Variants in PRH1 observed in about 807,000 individuals in gnomAD.
The protein encoded by PRH1 is salivary acidic proline-rich phosphoprotein 1/2.
PRH1 carries 7 observed loss-of-function variants against 7.9 expected under a neutral mutation model. The ratio of observed to expected loss-of-function variants is 0.89; its 90% CI spans 0.50 to 1.67. The LOEUF (loss-of-function observed/expected upper bound fraction) is 1.67, where lower values mean the gene tolerates loss of function less well. Among genes scored for constraint, PRH1 ranks in the 40% most tolerant of loss-of-function variants. The pLI is 0.00. For missense variants in PRH1, 109 were observed against 223.6 expected (o/e 0.49, Z 3.27); for synonymous variants, 45 against 80.8 (o/e 0.56, Z 2.38).
intron 1 of PRH1, among the ~76,000 whole-genome samples, chr12:11,137,979 T>C (rs1316443112): frequency 8.5e-6 from 1 of 117,210 alleles, no homozygotes; most frequent in African/African-American, 2.8e-5. Context: ...ATGATTCTTA[T>C]ATTATTCCAG....
At chr12:10,974,855 A>G (rs1939011904) in intron 1 of PRH1, among the ~76,000 whole-genome samples, 1 of 152,246 alleles carries the variant, frequency 6.6e-6, no homozygotes, top group South Asian at 2.1e-4. Context: ...GATCAATGAG[A>G]TTCAGGAGAA....
intron 1 of PRH1, among the ~76,000 whole-genome samples, chr12:11,042,865 G>A (rs1942766073): frequency 6.6e-6 from 1 of 151,852 alleles, no homozygotes; most frequent in East Asian, 1.9e-4. Context: ...TCCTGACCTC[G>A]TGATCCACCG....
chr12:11,027,962 T>G (rs369350049), intron 1 of PRH1, among the ~76,000 whole-genome samples: 12 of 152,356 alleles, frequency 7.9e-5, no homozygotes, highest in African/African-American at 2.9e-4. Context: ...GGACGTCATA[T>G]GCTCATAAAG....
chr12:11,014,959 T>C (rs191456485), intron 1 of PRH1, among the ~76,000 whole-genome samples: 165 of 152,098 alleles, frequency 1.1e-3, no homozygotes, highest in African/African-American at 3.7e-3. Flanking sequence ...AAAATGATAA[T>C]TGCTCACAGG....
intron 1 of PRH1, among the ~76,000 whole-genome samples, chr12:11,046,556 G>A (rs376426009): frequency 1.3e-5 from 2 of 151,972 alleles, no homozygotes; most frequent in African/African-American, 4.8e-5. Context: ...GCACACTAGG[G>A]CCAGCTATAA....
At chr12:11,038,222 G>A (rs1357663347) in intron 1 of PRH1, among the ~76,000 whole-genome samples, 2 of 152,056 alleles carry the variant, frequency 1.3e-5, no homozygotes, top group Non-Finnish European at 2.9e-5. Flanking sequence ...TTTTTATTGT[G>A]GAGCATAACA....
At chr12:10,921,341 T>C (rs1277635756) in intron 2 of PRH1, among the ~76,000 whole-genome samples, 1 of 152,088 alleles carries the variant, frequency 6.6e-6, no homozygotes, top group Non-Finnish European at 1.5e-5. Context: ...TTCAAAATCT[T>C]TGAAATTGTT....
intron 1 of PRH1, among the ~76,000 whole-genome samples, chr12:11,057,375 T>C (rs1943408646): frequency 6.6e-6 from 1 of 152,194 alleles, no homozygotes. Flanking sequence ...CTAATCAGTT[T>C]GTAGTTACTA....
chr12:11,091,576 A>G (rs1229877275), intron 1 of PRH1: 2 of 1,354,358 alleles, frequency 1.5e-6, no homozygotes, highest in Non-Finnish European at 2.1e-6. Context: ...TGGTGCTGGG[A>G]TCTTGAGATC....
At chr12:10,931,479 T>C (rs1197962720) in intron 2 of PRH1, among the ~76,000 whole-genome samples, 2 of 152,224 alleles carry the variant, frequency 1.3e-5, no homozygotes, top group Non-Finnish European at 2.9e-5. Flanking sequence ...TCCTGCTAAA[T>C]GGTCCTTGGA....
intron 1 of PRH1, chr12:11,031,467 A>C (rs1565573833): frequency 9.3e-7 from 1 of 1,080,666 alleles, no homozygotes; most frequent in Non-Finnish European, 1.3e-6. Context: ...TGCTGCTCTT[A>C]AAGATGGCAT....
chr12:11,045,439 G>T (rs995554986), intron 1 of PRH1, among the ~76,000 whole-genome samples: 15 of 151,974 alleles, frequency 9.9e-5, no homozygotes, highest in African/African-American at 3.4e-4. Flanking sequence ...TAACTGAATT[G>T]TTTGTAACAA....
chr12:10,967,474 T>C (rs916399586), intron 2 of PRH1, among the ~76,000 whole-genome samples: 2 of 152,210 alleles, frequency 1.3e-5, no homozygotes, highest in African/African-American at 4.8e-5. Context: ...TCCACCTCCA[T>C]GCTGCTTTTC....
At chr12:10,907,677 A>G (rs1186190607) in intron 2 of PRH1, among the ~76,000 whole-genome samples, 5 of 151,332 alleles carry the variant, frequency 3.3e-5, no homozygotes, top group African/African-American at 1.2e-4. Flanking sequence ...TGCAAAGGGC[A>G]CTGACATTGT....
intron 2 of PRH1, chr12:10,929,088 TAGAG>T (rs1950164139): frequency 1.5e-6 from 1 of 664,074 alleles, no homozygotes; most frequent in African/African-American, 1.8e-5. Context: ...CCTGCTAGGC[TAGAG>T]TCCCAGAAGA....
chr12:11,140,008 T>C (rs568863946), intron 1 of PRH1, among the ~76,000 whole-genome samples: 2 of 152,172 alleles, frequency 1.3e-5, no homozygotes, highest in African/African-American at 4.8e-5. Context: ...GTATTTTTAC[T>C]TCAATAAATT....
At chr12:10,904,857 G>T (rs1252825921) in intron 2 of PRH1, among the ~76,000 whole-genome samples, 1 of 151,932 alleles carries the variant, frequency 6.6e-6, no homozygotes, top group Non-Finnish European at 1.5e-5. Flanking sequence ...CTTTAAAAAC[G>T]AGCAAAAGAC....
intron 1 of PRH1, among the ~76,000 whole-genome samples, chr12:11,130,512 A>G (rs534092493): frequency 1.3e-5 from 2 of 152,330 alleles, no homozygotes; most frequent in Non-Finnish European, 2.9e-5. Context: ...ACTGGTCTCA[A>G]ATGGAGCCCA....
rs766187277 is a variant in PRH1, at chr12:10,909,076, T to C, written c.-58-24801A>G. The C allele has an allele frequency of 3.1e-6, 5 of 1,613,624 alleles. No individual in the cohort carries two copies. The South Asian group carries it at 3.3e-5, about 11-fold the overall frequency. ...CTTAATCCTGTTCCAGACACAAATATGGCTAGATAATGCAGAGCTAAAAAC... is the reference window on the plus strand; with the variant it reads ...CTTAATCCTGTTCCAGACACAAATACGGCTAGATAATGCAGAGCTAAAAAC... On this transcript the variant is annotated intron_variant, in intron 2 of 3. Transcript: ENST00000539853.
Sources: gnomAD v4.1 joint callset for allele counts (sites outside exome capture counted in the v4.1 genomes callset) on GRCh38, gnomAD v4.1.1 for gene constraint, MANE v1.5 for transcripts, NCBI Gene and HGNC (gene_info 2026-07-23, HGNC 2026-07-21) for gene names.